The following AP3B1 variants were observed in gnomAD, a reference collection of about 807,000 sequenced individuals.
The protein encoded by AP3B1 is adaptor related protein complex 3 subunit beta 1, also known as AP-3 complex subunit beta-1.
In AP3B1, 61 loss-of-function variants were observed where a neutral mutation model predicts 132.5. The observed-to-expected ratio is 0.46, with a 90% CI of 0.37 to 0.57. AP3B1 has a LOEUF of 0.57. AP3B1 is among the 20% of genes least tolerant of loss of function. AP3B1 has a pLI of 0.00. For synonymous variants in AP3B1, 388 were observed against 438.3 expected (o/e 0.89, Z 1.43); for missense variants, 1,120 against 1,289.4 (o/e 0.87, Z 2.01).
intron 22 of AP3B1, among the ~76,000 whole-genome samples, chr5:78,052,736 A>C (rs570119175): frequency 6.6e-6 from 1 of 152,246 alleles, no homozygotes; most frequent in East Asian, 1.9e-4. Flanking sequence ...CCCCAAAGAC[A>C]GATCAATAAA....
At chr5:78,136,083 A>G (rs1439223703) in intron 15 of AP3B1, among the ~76,000 whole-genome samples, 1 of 151,948 alleles carries the variant, frequency 6.6e-6, no homozygotes, top group Non-Finnish European at 1.5e-5. Context: ...ATAAACCCAA[A>G]TCAGTAGTTT....
At chr5:78,072,395 T>C (rs1362708814) in intron 22 of AP3B1, among the ~76,000 whole-genome samples, 1 of 152,200 alleles carries the variant, frequency 6.6e-6, no homozygotes, top group African/African-American at 2.4e-5. Flanking sequence ...TTCACGCATA[T>C]CATTTTAGAG....
At chr5:78,076,407 T>C (rs1023062699) in intron 22 of AP3B1, among the ~76,000 whole-genome samples, 2 of 152,230 alleles carry the variant, frequency 1.3e-5, no homozygotes, top group Non-Finnish European at 2.9e-5. Flanking sequence ...GGCTTAGGAC[T>C]TTCTCTTAGC....
chr5:78,078,262 C>G (rs930382137), intron 22 of AP3B1, among the ~76,000 whole-genome samples: 24 of 152,172 alleles, frequency 1.6e-4, no homozygotes, highest in African/African-American at 5.3e-4. Flanking sequence ...GTACCACTAT[C>G]CAGATAATCA....
rs776493933 is a variant in AP3B1 at position 78,015,420 on chromosome 5, T to G, written c.3121A>C (p.Asn1041His). The G allele has an allele frequency of 2.5e-6, 4 of 1,613,712 alleles. No individual in the cohort carries two copies. Among genetic ancestry groups the G allele is most frequent in the Non-Finnish European group, 3.4e-6 (4 of 1,179,822 alleles). Residue 1041 changes from asparagine to histidine, a missense_variant, in exon 26 of 27, where the codon AAT (asparagine) becomes CAT (histidine). Transcript: ENST00000255194. Reference sequence around the variant, plus strand: ...TGTTAGTGAACCTACCTGTGTATATTATCCTGGCCAGAAGGGACTGCACCT... The same window carrying G: ...TGTTAGTGAACCTACCTGTGTATATGATCCTGGCCAGAAGGGACTGCACCT... ...NVGAVPSGQD[N>H]IHRFAAKTVH...
chr5:78,093,430 G>T (rs1267582772), intron 21 of AP3B1, among the ~76,000 whole-genome samples: 1 of 152,122 alleles, frequency 6.6e-6, no homozygotes, highest in Non-Finnish European at 1.5e-5. Context: ...TTGGAAGGGG[G>T]GATTTGCATA....
chr5:78,268,974 T>C (rs1289707729), intron 1 of AP3B1, among the ~76,000 whole-genome samples: 1 of 152,196 alleles, frequency 6.6e-6, no homozygotes, highest in African/African-American at 2.4e-5. Flanking sequence ...TCTTTGCCTG[T>C]CACCAAAACA....
rs549114685 is a variant in AP3B1 at position 78,170,998 on chromosome 5, C to T, written c.1167+4628G>A. On this transcript the variant is annotated intron_variant, in intron 11 of 26. Coordinates refer to ENST00000255194, the MANE Select transcript of AP3B1 (RefSeq NM_003664.5). The stretch of plus-strand genomic sequence containing the variant: ...CCATTTATTAAATAGGGAATCCTTT[C>T]CCTATTGCTTGCTTTTATCAGGTTT... Among the ~76,000 whole-genome samples, 3 of 152,242 alleles carry T rather than the reference C, an allele frequency of 2.0e-5. No homozygotes were observed. The South Asian group carries it at 6.2e-4, about 32-fold the overall frequency.
intron 7 of AP3B1, among the ~76,000 whole-genome samples, chr5:78,212,017 C>T (rs1030970948): frequency 2.6e-5 from 4 of 152,208 alleles, no homozygotes; most frequent in Non-Finnish European, 4.4e-5. Context: ...TGGTGGCTCA[C>T]GCCTGTAATC....
intron 13 of AP3B1, among the ~76,000 whole-genome samples, chr5:78,159,532 T>A (rs1010390244): frequency 3.3e-5 from 5 of 152,132 alleles, no homozygotes; most frequent in Non-Finnish European, 5.9e-5. Flanking sequence ...CATTCCTTGG[T>A]TCAAAGACCT....
At chr5:78,204,920 G>A (rs1384052193) in intron 7 of AP3B1, among the ~76,000 whole-genome samples, 1 of 152,010 alleles carries the variant, frequency 6.6e-6, no homozygotes, top group Non-Finnish European at 1.5e-5. Flanking sequence ...AAAGCTGATT[G>A]GACTGTTTTT....
chr5:78,162,847 G>C lies in AP3B1; in HGVS notation c.1335C>G (p.Gly445=), dbSNP rs1448020799. The change falls in exon 13 of 27, where the codon GGC becomes GGG. Residue 445 remains glycine (G), a synonymous_variant. Coordinates refer to ENST00000255194, the MANE Select transcript of AP3B1 (RefSeq NM_003664.5). ...ILEVTDTCLN[G]LVCLLSNRDE... ...CCCTGTTGGACAGCAGACAGACCAA[G>C]CCATTGAGGCACGTGTCAGTGACTT... is the stretch of plus-strand genomic sequence containing the variant. The C allele has an allele frequency of 2.5e-6, 4 of 1,613,970 alleles. No homozygotes were observed. Among genetic ancestry groups the C allele is most frequent in the Middle Eastern group, 1.6e-4 (1 of 6,062 alleles).
At chr5:78,252,460 T>G (rs554697838) in intron 2 of AP3B1, among the ~76,000 whole-genome samples, 1 of 152,192 alleles carries the variant, frequency 6.6e-6, no homozygotes, top group Non-Finnish European at 1.5e-5. Context: ...CCCACTGTCC[T>G]GAAGGGTGAG....
chr5:78,036,465 C>T (rs1262629654), intron 23 of AP3B1, among the ~76,000 whole-genome samples: 3 of 152,082 alleles, frequency 2.0e-5, no homozygotes, highest in African/African-American at 7.2e-5. Flanking sequence ...TATAGGATGC[C>T]ATTTACTTTG....
At chr5:78,202,110 T>C (rs1472248290) in intron 7 of AP3B1, among the ~76,000 whole-genome samples, 5 of 152,178 alleles carry the variant, frequency 3.3e-5, no homozygotes, top group African/African-American at 9.7e-5. Context: ...TAAGATCTGA[T>C]GGTTCTAAAA....
At chr5:78,039,692 G>A (rs1009029160) in intron 22 of AP3B1, among the ~76,000 whole-genome samples, 9 of 151,320 alleles carry the variant, frequency 5.9e-5, no homozygotes, top group Non-Finnish European at 2.9e-5. Context: ...GCAGGAGAAT[G>A]GCGTGAACCC....
chr5:78,156,171 C>A, intron 14 of AP3B1, 87 bp downstream of exon 14: 5 of 945,870 alleles, frequency 5.3e-6, no homozygotes, highest in South Asian at 5.3e-5. Context: ...GCTCTCCTAA[C>A]CATTACCCTT....
At chr5:78,016,801 G>A (rs1183549340) in intron 25 of AP3B1, among the ~76,000 whole-genome samples, 1 of 152,016 alleles carries the variant, frequency 6.6e-6, no homozygotes, top group Non-Finnish European at 1.5e-5. Flanking sequence ...GTCTTAGACC[G>A]TTTAACTTCA....
intron 22 of AP3B1, among the ~76,000 whole-genome samples, chr5:78,060,652 A>G (rs1396407060): frequency 6.6e-6 from 1 of 152,160 alleles, no homozygotes; most frequent in East Asian, 1.9e-4. Context: ...CCATAAGACT[A>G]TAAGATAGGA....
Sources: gnomAD v4.1 joint callset for allele counts (sites outside exome capture counted in the v4.1 genomes callset) on GRCh38, gnomAD v4.1.1 for gene constraint, MANE v1.5 for transcripts, NCBI Gene and HGNC (gene_info 2026-07-23, HGNC 2026-07-21) for gene names.